Variants in SMG6 observed in about 807,000 individuals in gnomAD.
The protein encoded by SMG6 is telomerase-binding protein EST1A.
In SMG6, 66 loss-of-function variants were observed where a neutral mutation model predicts 142.2. That is an observed-to-expected ratio of 0.46 (90% CI 0.38 to 0.57). SMG6 has a LOEUF of 0.57. SMG6 is among the 20% of genes least tolerant of loss of function. SMG6 has a pLI of 0.00. For synonymous variants in SMG6, 779 were observed against 702.4 expected, an observed-to-expected ratio of 1.11 and a Z score of -1.72; for missense variants, 1,793 against 1,832.0, an observed-to-expected ratio of 0.98 and a Z score of 0.39.
chr17:2,126,715 CAAAAAAAAAA>C (rs532997926), intron 13 of SMG6, among the ~76,000 whole-genome samples: 1 of 66,110 alleles, frequency 1.5e-5, no homozygotes, highest in Non-Finnish European at 3.2e-5. Context: ...GGCTCAGTTT[CAAAAAAAAAA>C]AAAAAAAAGC....
chr17:2,234,998 G>A (rs1418132243), intron 10 of SMG6, among the ~76,000 whole-genome samples: 3 of 152,212 alleles, frequency 2.0e-5, no homozygotes, highest in Non-Finnish European at 4.4e-5. Flanking sequence ...AACTCTGTGG[G>A]TTGTTTTTAG....
chr17:2,119,484 G>A (rs1224062554), intron 13 of SMG6, among the ~76,000 whole-genome samples: 1 of 151,756 alleles, frequency 6.6e-6, no homozygotes, highest in East Asian at 1.9e-4. Context: ...ATTAGTCACC[G>A]CACCCAGCCC....
intron 10 of SMG6, among the ~76,000 whole-genome samples, chr17:2,234,133 C>T (rs2073580188): frequency 6.6e-6 from 1 of 152,138 alleles, no homozygotes; most frequent in Admixed American, 6.5e-5. Context: ...CTCGTTATGA[C>T]CCACCATGGA....
chr17:2,248,996 C>T (rs2073985383), intron 8 of SMG6, among the ~76,000 whole-genome samples: 1 of 151,930 alleles, frequency 6.6e-6, no homozygotes, highest in South Asian at 2.1e-4. Context: ...ACGCCATTCT[C>T]CTGTCTCAGC....
At chr17:2,117,713 A>G (rs2069550715) in intron 13 of SMG6, 1 of 152,258 alleles carries the variant, frequency 6.6e-6, no homozygotes, top group Non-Finnish European at 1.5e-5. Flanking sequence ...ACTGATACGT[A>G]AATTAAACTT....
chr17:2,079,845 C>T (rs535183487), intron 15 of SMG6, among the ~76,000 whole-genome samples: 220 of 152,172 alleles, frequency 1.4e-3, no homozygotes, highest in African/African-American at 2.8e-3. Flanking sequence ...GAGGCCAAGG[C>T]GGGCAGATCA....
At chr17:2,174,521 T>C (rs1284676957) in intron 12 of SMG6, among the ~76,000 whole-genome samples, 1 of 152,310 alleles carries the variant, frequency 6.6e-6, no homozygotes. Context: ...AAATGAAACA[T>C]CTTGTTTTCA....
At position 2,285,334 on chromosome 17, in the gene SMG6, G is replaced by C. The variant is rs995693024; in HGVS notation, c.2338-1599C>G. ...GAAAATGTTGCTAACAGACAACTAA[G>C]ATGAGACAGACAGAAAAAAGAGGGA... On this transcript the variant is annotated intron_variant, in intron 6 of 18. Coordinates refer to ENST00000263073, the MANE Select transcript of SMG6 (RefSeq NM_017575.5). Among the ~76,000 whole-genome samples the C allele has an allele frequency of 1.4e-4, 22 of 152,102 alleles. 1 individual carries two copies. Among genetic ancestry groups the C allele is most frequent in the Admixed American group, 1.2e-3 (19 of 15,246 alleles).
chr17:2,121,627 GTGTGTGTGTGTGTGTGTGT>G (rs1230958821), intron 13 of SMG6, among the ~76,000 whole-genome samples: 2 of 91,132 alleles, frequency 2.2e-5, no homozygotes, highest in African/African-American at 5.7e-5. Flanking sequence ...GTGTGTGTGT[GTGTGTGTGTGTGTGTGTGT>G]AGAGAGAGAG....
At chr17:2,122,036 G>T (rs1458045193) in intron 13 of SMG6, among the ~76,000 whole-genome samples, 1 of 152,106 alleles carries the variant, frequency 6.6e-6, no homozygotes, top group East Asian at 1.9e-4. Flanking sequence ...GTTTCACCAT[G>T]TTGGCCAGGA....
At chr17:2,243,253 A>G (rs1160855185) in intron 9 of SMG6, among the ~76,000 whole-genome samples, 2 of 152,226 alleles carry the variant, frequency 1.3e-5, no homozygotes, top group African/African-American at 4.8e-5. Flanking sequence ...TACCAAATGA[A>G]TATGTAATAA....
At chr17:2,112,581 T>C (rs1024305874) in intron 13 of SMG6, among the ~76,000 whole-genome samples, 8 of 149,894 alleles carry the variant, frequency 5.3e-5, no homozygotes, top group Middle Eastern at 3.5e-3. Flanking sequence ...AAGGCAATGG[T>C]CTGTTCCAAG....
At chr17:2,165,085 G>C (rs2071294661) in intron 13 of SMG6, among the ~76,000 whole-genome samples, 1 of 152,216 alleles carries the variant, frequency 6.6e-6, no homozygotes, top group Non-Finnish European at 1.5e-5. Context: ...GACAGCTCAT[G>C]AGGTAGACAC....
intron 15 of SMG6, among the ~76,000 whole-genome samples, chr17:2,069,674 CTAA>C (rs2068046367): frequency 6.6e-6 from 1 of 152,224 alleles, no homozygotes. Flanking sequence ...ATACTGACAG[CTAA>C]TAATACGAAA....
intron 10 of SMG6, among the ~76,000 whole-genome samples, chr17:2,218,028 CA>C (rs72143595): frequency 0.38 from 54,345 of 144,748 alleles, 10,003 homozygotes; most frequent in Middle Eastern, 0.43. Context: ...AAAACAAAAA[CA>C]AAAAAAAAAA....
chr17:2,259,427 G>A (rs956640591), intron 8 of SMG6, among the ~76,000 whole-genome samples: 3 of 152,048 alleles, frequency 2.0e-5, no homozygotes, highest in South Asian at 4.2e-4. Flanking sequence ...CTTCAAGGAC[G>A]GGCACAGTAG....
At chr17:2,292,823 CT>C in intron 5 of SMG6, 47 bp downstream of exon 5, 1 of 1,554,290 alleles carries the variant, frequency 6.4e-7, no homozygotes, top group Non-Finnish European at 8.9e-7. Flanking sequence ...TAAGGCTTAG[CT>C]TAGAGCCACA....
chr17:2,087,648 G>A, intron 13 of SMG6: 1 of 996,568 alleles, frequency 1.0e-6, no homozygotes, highest in East Asian at 1.0e-4. Flanking sequence ...GCTTGTCTTG[G>A]CCCAGGGCAG....
intron 10 of SMG6, among the ~76,000 whole-genome samples, chr17:2,226,488 A>C (rs1015706056): frequency 6.6e-6 from 1 of 151,640 alleles, no homozygotes; most frequent in Non-Finnish European, 1.5e-5. Flanking sequence ...CTGAGGCAGG[A>C]GAATTGCATG....
Sources: gnomAD v4.1 joint callset for allele counts (sites outside exome capture counted in the v4.1 genomes callset) on GRCh38, gnomAD v4.1.1 for gene constraint, MANE v1.5 for transcripts, NCBI Gene and HGNC (gene_info 2026-07-23, HGNC 2026-07-21) for gene names.